The following SUGCT variants were observed in gnomAD, a reference collection of about 807,000 sequenced individuals.
SUGCT encodes the protein succinyl-CoA:glutarate CoA-transferase.
Under a neutral mutation model 55.0 loss-of-function variants are expected in SUGCT, and 41 were observed. The ratio of observed to expected loss-of-function variants is 0.74; its 90% CI spans 0.58 to 0.97. The LOEUF (loss-of-function observed/expected upper bound fraction) is 0.97. Among genes scored for constraint, SUGCT ranks in the 50% least tolerant of loss-of-function variants. The pLI, the probability that SUGCT is intolerant of heterozygous loss-of-function variation, is 0.00. For synonymous variants in SUGCT, 187 were observed against 200.4 expected, an observed-to-expected ratio of 0.93 and a Z score of 0.56; for missense variants, 568 against 547.8, an observed-to-expected ratio of 1.04 and a Z score of -0.37.
intron 12 of SUGCT, among the ~76,000 whole-genome samples, chr7:40,678,214 G>A (rs537895029): frequency 2.0e-5 from 3 of 152,282 alleles, no homozygotes; most frequent in African/African-American, 7.2e-5. Context: ...AGGAAGCAAG[G>A]ATCATTGGTT....
intron 7 of SUGCT, among the ~76,000 whole-genome samples, chr7:40,249,932 G>A (rs941885709): frequency 1.3e-5 from 2 of 152,146 alleles, no homozygotes; most frequent in African/African-American, 2.4e-5. Context: ...GACTACAGGC[G>A]TGCACCACCA....
the SUGCT span, among the ~76,000 whole-genome samples, chr7:41,036,831 C>T: frequency 6.6e-6 from 1 of 152,184 alleles, no homozygotes. Context: ...TTATTCCCAG[C>T]TAATCTTCTG....
In SUGCT at chr7:40,470,864, T is replaced by A. The variant is rs183088645; in HGVS notation, c.986+11666T>A. Among the ~76,000 whole-genome samples the A allele has an allele frequency of 4.6e-5, 7 of 152,268 alleles. No homozygotes were observed. The East Asian group carries it at 1.2e-3, about 25-fold the overall frequency. ...ATTTATAAATTTACATTTTCCTTTT[T>A]AAATGATTTTTCTTTCCTCTATTGT... On this transcript the variant is annotated intron_variant, in intron 11 of 13. Transcript: ENST00000335693.
chr7:40,415,798 T>C (rs776029923), intron 9 of SUGCT, among the ~76,000 whole-genome samples: 3 of 152,100 alleles, frequency 2.0e-5, no homozygotes, highest in Admixed American at 6.6e-5. Context: ...ATTACATGTA[T>C]ATATTGGGAC....
chr7:40,219,001 A>G (rs558564619), intron 6 of SUGCT, among the ~76,000 whole-genome samples: 289 of 151,878 alleles, frequency 1.9e-3, no homozygotes, highest in African/African-American at 6.4e-3. Context: ...TCTTGCTACT[A>G]CTCACTCTTT....
intron 1 of SUGCT, among the ~76,000 whole-genome samples, chr7:40,172,865 G>A (rs751443487): frequency 6.6e-6 from 1 of 152,212 alleles, no homozygotes; most frequent in Non-Finnish European, 1.5e-5. Flanking sequence ...AAGTCCAGCA[G>A]CCATGCTAAT....
intron 13 of SUGCT, among the ~76,000 whole-genome samples, chr7:40,855,269 C>CA (rs554888396): frequency 0.029 from 4,050 of 138,190 alleles, 59 homozygotes; most frequent in Non-Finnish European, 0.04. Flanking sequence ...AATTTCTCCT[C>CA]AAAAAAAAAA....
chr7:40,922,532 C>G, the SUGCT span, among the ~76,000 whole-genome samples: 1 of 152,208 alleles, frequency 6.6e-6, no homozygotes. Context: ...TTGGGCAAAA[C>G]TGACATCACA....
chr7:40,702,507 C>T (rs1785210354), intron 12 of SUGCT, among the ~76,000 whole-genome samples: 1 of 152,228 alleles, frequency 6.6e-6, no homozygotes, highest in South Asian at 2.1e-4. Context: ...TATGGGCATC[C>T]ATCTGCCTTT....
the SUGCT span, among the ~76,000 whole-genome samples, chr7:41,025,886 T>G: frequency 1.3e-5 from 2 of 152,184 alleles, no homozygotes; most frequent in South Asian, 2.1e-4. Context: ...TGCCAAGTTA[T>G]TAAAGACCCG....
chr7:40,135,639 C>CT (rs1036613752), intron 1 of SUGCT, among the ~76,000 whole-genome samples: 9 of 152,122 alleles, frequency 5.9e-5, no homozygotes, highest in Middle Eastern at 3.2e-3. Context: ...CACTATGAAT[C>CT]TTTTTTTTCC....
intron 3 of SUGCT, 130 bp downstream of exon 3, chr7:40,182,158 T>C (rs1247035284): frequency 4.9e-6 from 3 of 609,984 alleles, no homozygotes; most frequent in Non-Finnish European, 8.7e-6. Context: ...GATTGTCTTT[T>C]TCTTCTCCAT....
chr7:40,558,209 G>A (rs1202798586), intron 12 of SUGCT, among the ~76,000 whole-genome samples: 2 of 152,076 alleles, frequency 1.3e-5, no homozygotes, highest in Admixed American at 1.3e-4. Context: ...AAACAGCTTA[G>A]TAGTTTCTCC....
intron 13 of SUGCT, among the ~76,000 whole-genome samples, chr7:40,818,699 A>G (rs1443331320): frequency 6.6e-6 from 1 of 152,198 alleles, no homozygotes; most frequent in Non-Finnish European, 1.5e-5. Flanking sequence ...GAATCTTTGC[A>G]GGAAGGAGGG....
At chr7:41,011,891 GT>G in the SUGCT span, among the ~76,000 whole-genome samples, 2 of 143,628 alleles carry the variant, frequency 1.4e-5, no homozygotes, top group African/African-American at 3.0e-5. Context: ...GAATCAGCTT[GT>G]TTTTTTCTTT....
the SUGCT span, among the ~76,000 whole-genome samples, chr7:40,871,715 T>C: frequency 1.4e-5 from 2 of 146,590 alleles, no homozygotes; most frequent in East Asian, 4.2e-4. Context: ...TATTCACGTC[T>C]TTCAGTGATC....
In SUGCT at chr7:40,197,758, A is replaced by G. The variant is rs187272620; in HGVS notation, c.484+2698A>G. Among the ~76,000 whole-genome samples the G allele has an allele frequency of 2.8e-3, 420 of 152,354 alleles. 1 individual carries two copies. The highest frequency in any genetic ancestry group is 9.5e-3 in the African/African-American group (393 of 41,584). ...ATTCTGTTTCAGAGGGAGGAACTAC[A>G]AAGTCACATGGCATAGGGTGTGGGT... On this transcript the variant is annotated intron_variant, in intron 6 of 13. Coordinates refer to ENST00000335693, the MANE Select transcript of SUGCT (RefSeq NM_001193313.2).
chr7:40,703,270 G>A (rs761399683), intron 12 of SUGCT, among the ~76,000 whole-genome samples: 1 of 152,096 alleles, frequency 6.6e-6, no homozygotes, highest in Non-Finnish European at 1.5e-5. Context: ...CTCCATGTTG[G>A]TCAGGCTGGT....
intron 12 of SUGCT, among the ~76,000 whole-genome samples, chr7:40,522,555 C>G (rs888618216): frequency 6.6e-6 from 1 of 152,096 alleles, no homozygotes; most frequent in African/African-American, 2.4e-5. Flanking sequence ...TCTGTCTCCT[C>G]ACTTGACCCA....
Sources: allele counts gnomAD v4.1 joint callset (sites outside exome capture counted in the v4.1 genomes callset), GRCh38; gene constraint gnomAD v4.1.1; transcripts MANE v1.5; gene names NCBI Gene and HGNC (gene_info 2026-07-23, HGNC 2026-07-21).